The following DUS4L variants were observed in gnomAD, a reference collection of about 807,000 sequenced individuals.
DUS4L encodes dihydrouridine synthase 4 like.
In DUS4L, 31 loss-of-function variants were observed where a neutral mutation model predicts 33.8. The ratio of observed to expected loss-of-function variants is 0.92; its 90% CI spans 0.69 to 1.24. The LOEUF is 1.24. Ranked by LOEUF, DUS4L falls within the 50% of genes most tolerant of loss-of-function variation. The pLI is 0.00. For missense variants in DUS4L, 368 were observed against 388.6 expected (o/e 0.95, Z 0.45); for synonymous variants, 103 against 120.3 (o/e 0.86, Z 0.94).
In DUS4L at chr7:107,564,170, G is replaced by T; in HGVS notation, c.-150G>T. 1.5e-6 allele frequency: 1 copy of T among 647,708 alleles called. No individual in the cohort carries two copies. The highest frequency in any genetic ancestry group is 1.9e-5 in the South Asian group (1 of 51,676). 40.1% of individuals were successfully genotyped at this position (647,708 alleles called of 1,614,324 possible). ...CTGTCTCTCGCAGCAGCTCAGGGCCGCGCCCCCTGGGCTGGCGTCGTGCCC... is the reference window on the plus strand; with the variant it reads ...CTGTCTCTCGCAGCAGCTCAGGGCCTCGCCCCCTGGGCTGGCGTCGTGCCC... On this transcript the variant is annotated 5_prime_UTR_variant, in exon 1 of 8. Transcript: ENST00000265720.
Position 107,564,068 on chromosome 7 carries a change from G to A in DUS4L, c.-252G>A, listed in dbSNP as rs1370073572. ...GGCTAGGAGCCGCGCAGGTACTCGA[G>A]CAGTGGGCGCCCAGGGTCCGAGTGC... On this transcript the variant is annotated 5_prime_UTR_variant, in exon 1 of 8. Coordinates refer to ENST00000265720, the MANE Select transcript of DUS4L (RefSeq NM_181581.3). 4 of 1,453,608 alleles carry A rather than the reference G, an allele frequency of 2.8e-6. No individual in the cohort carries two copies. The highest frequency in any genetic ancestry group is 3.7e-6 in the Non-Finnish European group (4 of 1,072,968). The allele number at this position is 1,453,608 out of a possible 1,614,324, so 90.0% of individuals were successfully genotyped here.
chr7:107,576,776 C>A, intron 7 of DUS4L, 184 bp downstream of exon 7: 1 of 560,014 alleles, frequency 1.8e-6, no homozygotes, highest in Non-Finnish European at 2.9e-6. Context: ...CATGGATTAT[C>A]TTAACTGGGA....
In DUS4L at chr7:107,567,279, G is replaced by A. The variant is rs1804799874; in HGVS notation, c.116+93G>A. ...TACTGTAAGACCACCCACCATATGG[G>A]AACTTCAAACTCTTAGCTTTGGAAT... On this transcript the variant is annotated intron_variant, in intron 3 of 7. Coordinates refer to ENST00000265720, the MANE Select transcript of DUS4L (RefSeq NM_181581.3). 4.0e-6 allele frequency: 4 copies of A among 1,009,274 alleles called. No homozygotes were observed. The South Asian group carries it at 4.5e-5, about 11-fold the overall frequency. 62.5% of individuals were successfully genotyped at this position (1,009,274 alleles called of 1,614,324 possible). A position where few individuals can be genotyped will look rare whatever the true frequency, so the allele number is the denominator to read the frequency against.
chr7:107,577,123 A>G (rs886158014), intron 7 of DUS4L, 190 bp from the exon 8 acceptor site: 1 of 726,332 alleles, frequency 1.4e-6, no homozygotes. Flanking sequence ...CGTACATTTA[A>G]ACTTTCCTGG....
Position 107,576,566 on chromosome 7 carries a change from A to G in DUS4L, c.680A>G (p.Asn227Ser), listed in dbSNP as rs1222772704. 4 of 1,590,842 alleles carry G rather than the reference A, an allele frequency of 2.5e-6. No individual in the cohort carries two copies. Among genetic ancestry groups the G allele is most frequent in the African/African-American group, 2.7e-5 (2 of 73,602 alleles). The change falls in exon 7 of 8, where the codon AAT (asparagine) becomes AGT (serine). Residue 227 changes from asparagine (N) to serine (S), a missense_variant. Asn to Ser is a conservative substitution (Grantham distance 46, BLOSUM62 1). Coordinates refer to ENST00000265720, the MANE Select transcript of DUS4L (RefSeq NM_181581.3). ...ATCAGAAGCTTAAAGGAAGCAGAAA[A>G]TGTGTGGCGGATTACTGGGACAGAT... The part of the protein sequence containing the change: ...GDIRSLKEAE[N>S]VWRITGTDGV...
intron 5 of DUS4L, among the ~76,000 whole-genome samples, chr7:107,574,678 A>C (rs1319114145): frequency 6.6e-6 from 1 of 152,196 alleles, no homozygotes; most frequent in Non-Finnish European, 1.5e-5. Context: ...GTAGTAGATT[A>C]TCAGTAATTC....
intron 3 of DUS4L, 194 bp from the exon 4 acceptor site, chr7:107,570,951 C>A: frequency 1.6e-6 from 1 of 639,986 alleles, no homozygotes; most frequent in Non-Finnish European, 2.4e-6. Context: ...TTTTCTTCAC[C>A]TTTCAAAATT....
chr7:107,573,197 C>A (rs1263541002), intron 4 of DUS4L, among the ~76,000 whole-genome samples: 2 of 152,162 alleles, frequency 1.3e-5, no homozygotes, highest in Non-Finnish European at 2.9e-5. Flanking sequence ...ATTAACAATT[C>A]TCCTAAGAAT....
Position 107,564,214 on chromosome 7 carries a change from G to A in DUS4L, c.-111+5G>A. On this transcript the variant is annotated splice_donor_5th_base_variant and intron_variant, in intron 1 of 7. Transcript: ENST00000265720. ...CGTGCCCTAGCCAAGGAGAAGGTGG[G>A]CACCGGAACGTGGCCGCAGCGCTTA... 1 of 590,998 alleles carries A rather than the reference G, an allele frequency of 1.7e-6. No homozygotes were observed. Among genetic ancestry groups the A allele is most frequent in the South Asian group, 2.0e-5 (1 of 49,664 alleles). 36.6% of individuals were successfully genotyped at this position (590,998 alleles called of 1,614,324 possible). A position where few individuals can be genotyped will look rare whatever the true frequency, so the allele number is the denominator to read the frequency against.
chr7:107,563,984 G>A lies in DUS4L; in HGVS notation c.-336G>A, dbSNP rs1372640015. 7.1e-6 allele frequency: 5 copies of A among 700,084 alleles called. No homozygotes were observed. In the South Asian group the frequency reaches 7.2e-5, roughly 10 times the overall value. 43.4% of individuals were successfully genotyped at this position (700,084 alleles called of 1,614,324 possible). On this transcript the variant is annotated 5_prime_UTR_variant, in exon 1 of 8. Coordinates refer to ENST00000265720, the MANE Select transcript of DUS4L (RefSeq NM_181581.3). ...AATCCCGGCGCCGCCCGCCCACCCA[G>A]CCCATGGCTCCAGGCCCACCTGGCG...
At position 107,577,779 on chromosome 7, in the gene DUS4L, T is replaced by G. The variant is rs1253751151; in HGVS notation, c.*219T>G. On this transcript the variant is annotated 3_prime_UTR_variant, in exon 8 of 8. Coordinates refer to ENST00000265720, the MANE Select transcript of DUS4L (RefSeq NM_181581.3). Reference sequence around the variant, plus strand: ...TACACAGTTTAAAGAAAACTCCCAGTGGTTCAAACATCCTGATCATCCTAG... The same window carrying G: ...TACACAGTTTAAAGAAAACTCCCAGGGGTTCAAACATCCTGATCATCCTAG... 1.2e-5 allele frequency: 5 copies of G among 426,900 alleles called. No homozygotes were observed. The allele number at this position is 426,900 out of a possible 1,614,324, so 26.4% of individuals were successfully genotyped here.
intron 4 of DUS4L, among the ~76,000 whole-genome samples, chr7:107,572,961 A>T (rs945413495): frequency 6.6e-6 from 1 of 152,066 alleles, no homozygotes; most frequent in African/African-American, 2.4e-5. Flanking sequence ...TTGTTTTATT[A>T]AAAAAATTAC....
chr7:107,566,458 T>C (rs1804709181), intron 2 of DUS4L, among the ~76,000 whole-genome samples: 1 of 152,226 alleles, frequency 6.6e-6, no homozygotes, highest in African/African-American at 2.4e-5. Context: ...TGATTTACAA[T>C]GCAATTGTAG....
rs1333604270 is a variant in DUS4L at position 107,564,054 on chromosome 7, G to A, written c.-266G>A. 4 of 1,456,954 alleles carry A rather than the reference G, an allele frequency of 2.7e-6. No homozygotes were observed. Among genetic ancestry groups the A allele is most frequent in the South Asian group, 1.2e-5 (1 of 81,574 alleles). The allele number at this position is 1,456,954 out of a possible 1,614,324, so 90.3% of individuals were successfully genotyped here. The stretch of plus-strand genomic sequence containing the variant: ...CCTGGGCTAAGCCTGGCTAGGAGCC[G>A]CGCAGGTACTCGAGCAGTGGGCGCC... On this transcript the variant is annotated 5_prime_UTR_variant, in exon 1 of 8. Transcript: ENST00000265720.
chr7:107,575,491 C>T (rs1805644956), intron 6 of DUS4L, 181 bp downstream of exon 6: 2 of 576,322 alleles, frequency 3.5e-6, no homozygotes, highest in Non-Finnish European at 5.3e-6. Flanking sequence ...ATTTATAGTC[C>T]TGAAAAACTT....
chr7:107,568,767 CTAAGT>C (rs1804933767), intron 3 of DUS4L, among the ~76,000 whole-genome samples: 2 of 152,180 alleles, frequency 1.3e-5, no homozygotes, highest in South Asian at 4.1e-4. Flanking sequence ...ATATTTTCTC[CTAAGT>C]TTTTTTCCCT....
chr7:107,577,727 T>C lies in DUS4L; in HGVS notation c.*167T>C. On this transcript the variant is annotated 3_prime_UTR_variant, in exon 8 of 8. Transcript: ENST00000265720. ...AGACACCACCCTCAGAGATTCTGAT[T>C]AGGTAGATCTGGAGTAGACCCAGAA... 1 of 653,558 alleles carries C rather than the reference T, an allele frequency of 1.5e-6. No individual in the cohort carries two copies. Among genetic ancestry groups the C allele is most frequent in the Non-Finnish European group, 2.5e-6 (1 of 401,972 alleles). The allele number at this position is 653,558 out of a possible 1,614,324, so 40.5% of individuals were successfully genotyped here.
chr7:107,574,936 T>C (rs1805593752), intron 5 of DUS4L: 3 of 466,698 alleles, frequency 6.4e-6, no homozygotes, highest in South Asian at 4.6e-5. Context: ...CCTGTTTTGG[T>C]TGAATGACTT....
chr7:107,575,461 G>GA (rs1230539994), intron 6 of DUS4L, 151 bp downstream of exon 6: 12 of 792,242 alleles, frequency 1.5e-5, no homozygotes, highest in Non-Finnish European at 2.2e-5. Flanking sequence ...TTTAGTAAAA[G>GA]AATATATACC....
Sources: gnomAD v4.1 joint callset for allele counts (sites outside exome capture counted in the v4.1 genomes callset) on GRCh38, gnomAD v4.1.1 for gene constraint, MANE v1.5 for transcripts, NCBI Gene and HGNC (gene_info 2026-07-23, HGNC 2026-07-21) for gene names.